The following HDAC9 variants were observed in gnomAD, a reference collection of about 807,000 sequenced individuals.
HDAC9 encodes MEF-2 interacting transcription repressor (MITR) protein.
In HDAC9, 41 loss-of-function variants were observed where a neutral mutation model predicts 139.4. The ratio of observed to expected loss-of-function variants is 0.29; its 90% CI spans 0.23 to 0.38. The LOEUF (loss-of-function observed/expected upper bound fraction) is 0.38. HDAC9 is among the 10% of genes least tolerant of loss of function. HDAC9 has a pLI of 1.00. For synonymous variants in HDAC9, 517 were observed against 476.2 expected (o/e 1.09, Z -1.12); for missense variants, 1,147 against 1,297.0 (o/e 0.88, Z 1.78).
chr7:18,986,022 C>T (rs1585487171), intron 25 of HDAC9, among the ~76,000 whole-genome samples: 1 of 28,706 alleles, frequency 3.5e-5, no homozygotes, highest in East Asian at 6.3e-4. Context: ...TTGTAGGTTG[C>T]CTGTTCACTC....
intron 1 of HDAC9, among the ~76,000 whole-genome samples, chr7:18,462,597 C>T (rs753074357): frequency 4.6e-5 from 7 of 151,916 alleles, no homozygotes; most frequent in Non-Finnish European, 7.4e-5. Context: ...TTTCATTTTG[C>T]CTGTTTTTAT....
intron 1 of HDAC9, among the ~76,000 whole-genome samples, chr7:18,324,450 G>T (rs938238507): frequency 6.6e-6 from 1 of 152,098 alleles, no homozygotes; most frequent in Non-Finnish European, 1.5e-5. Flanking sequence ...ACTGTCTTTG[G>T]CATATTGTAG....
At chr7:18,253,294 G>A (rs1044880123) in intron 2 of HDAC9, among the ~76,000 whole-genome samples, 1 of 152,134 alleles carries the variant, frequency 6.6e-6, no homozygotes, top group African/African-American at 2.4e-5. Flanking sequence ...GGGTTGAATG[G>A]TATTTCTGTT....
chr7:18,722,249 A>AT (rs1178021165), intron 12 of HDAC9, among the ~76,000 whole-genome samples: 1 of 152,230 alleles, frequency 6.6e-6, no homozygotes, highest in Non-Finnish European at 1.5e-5. Context: ...CTTTGACTGC[A>AT]TAAAAAATAG....
intron 25 of HDAC9, among the ~76,000 whole-genome samples, chr7:18,992,499 T>C (rs184077282): frequency 6.6e-6 from 1 of 152,134 alleles, no homozygotes; most frequent in Admixed American, 6.5e-5. Flanking sequence ...GTAACAGGCA[T>C]TGTATTGCTT....
rs189030400 is a variant in HDAC9, at chr7:18,987,904, G to A, written c.3171-8119G>A. ...TGGTAGTTTGTATTTCTGTGGGATC[G>A]GTGGTGATATCCTCTTTATCATTTT... On this transcript the variant is annotated intron_variant, in intron 25 of 25. Coordinates refer to ENST00000686413, the MANE Select transcript of HDAC9 (RefSeq NM_178425.4). Among the ~76,000 whole-genome samples the A allele has an allele frequency of 5.9e-3, 901 of 152,168 alleles. 10 individuals carry two copies. The highest frequency in any genetic ancestry group is 0.02 in the African/African-American group (844 of 41,506).
chr7:18,659,539 G>A (rs924144367), intron 11 of HDAC9, among the ~76,000 whole-genome samples: 6 of 152,084 alleles, frequency 3.9e-5, no homozygotes, highest in Non-Finnish European at 8.8e-5. Context: ...GTATATGTAA[G>A]TGTGTGTGTG....
At chr7:18,446,982 T>C (rs1025425418) in intron 1 of HDAC9, among the ~76,000 whole-genome samples, 1 of 152,336 alleles carries the variant, frequency 6.6e-6, no homozygotes, top group South Asian at 2.1e-4. Flanking sequence ...AATAAATGCT[T>C]GTGACCATGT....
At chr7:18,441,242 A>G (rs1208065996) in intron 1 of HDAC9, among the ~76,000 whole-genome samples, 1 of 152,194 alleles carries the variant, frequency 6.6e-6, no homozygotes, top group Non-Finnish European at 1.5e-5. Flanking sequence ...CTGTGTAGAC[A>G]TCTGACCTTT....
chr7:18,576,357 T>C (rs1825928948), intron 2 of HDAC9, among the ~76,000 whole-genome samples: 1 of 152,090 alleles, frequency 6.6e-6, no homozygotes, highest in African/African-American at 2.4e-5. Context: ...CCTTGATGGC[T>C]TCAAAAACTA....
intron 1 of HDAC9, among the ~76,000 whole-genome samples, chr7:18,299,598 A>G (rs1460760100): frequency 6.6e-6 from 1 of 152,206 alleles, no homozygotes; most frequent in Non-Finnish European, 1.5e-5. Context: ...CAGTCAGGAA[A>G]AAAAGGTTTA....
chr7:18,217,775 A>G (rs772187401), intron 2 of HDAC9, among the ~76,000 whole-genome samples: 2 of 152,248 alleles, frequency 1.3e-5, no homozygotes, highest in South Asian at 4.1e-4. Flanking sequence ...GAAAATATAG[A>G]GAAACATGCT....
chr7:18,756,726 A>G (rs1788909470), intron 14 of HDAC9, among the ~76,000 whole-genome samples: 1 of 152,216 alleles, frequency 6.6e-6, no homozygotes, highest in Non-Finnish European at 1.5e-5. Context: ...GGCTGACTAT[A>G]GGCACATTAA....
At chr7:18,599,479 A>T (rs956023140) in intron 6 of HDAC9, among the ~76,000 whole-genome samples, 1 of 151,988 alleles carries the variant, frequency 6.6e-6, no homozygotes, top group Non-Finnish European at 1.5e-5. Flanking sequence ...CCCCCACCCA[A>T]CTTTTGGTAA....
intron 1 of HDAC9, among the ~76,000 whole-genome samples, chr7:18,332,781 G>A (rs1002769189): frequency 3.3e-5 from 5 of 151,464 alleles, no homozygotes; most frequent in Admixed American, 2.6e-4. Flanking sequence ...CTTTTTTCAT[G>A]TTCAGTAGAC....
rs1200767124 is a variant in HDAC9 at position 18,547,857 on chromosome 7, TACCC to T, written c.23-37423_23-37420del. ...CTTCCTTCCTTCCTTCCTTCCTTCC[TACCC>T]TCCCTCCCTCCCTCCCTCCCTCTCT... On this transcript the variant is annotated intron_variant, in intron 2 of 25. Coordinates refer to ENST00000686413, the MANE Select transcript of HDAC9 (RefSeq NM_178425.4). Among the ~76,000 whole-genome samples the T allele has an allele frequency of 2.7e-3, 314 of 118,354 alleles. 1 individual carries two copies. Among genetic ancestry groups the T allele is most frequent in the Non-Finnish European group, 3.8e-3 (221 of 58,540 alleles). 77.6% of individuals were successfully genotyped at this position (118,354 alleles called of 152,430 possible).
chr7:18,238,358 A>G (rs1427467575), intron 2 of HDAC9, among the ~76,000 whole-genome samples: 1 of 152,230 alleles, frequency 6.6e-6, no homozygotes, highest in Non-Finnish European at 1.5e-5. Flanking sequence ...ATGTAGTAAC[A>G]TCAGTCATAA....
In HDAC9 at chr7:18,505,006, G is replaced by A. The variant is rs146598442; in HGVS notation, c.22+8682G>A. ...TCCTGGGAGGTTTAAGGCACAAATA[G>A]GCAAGCATGTTGAAAGTTTTGCTGG... On this transcript the variant is annotated intron_variant, in intron 2 of 25. Transcript: ENST00000686413. Among the ~76,000 whole-genome samples, 462 of 152,276 alleles carry A rather than the reference G, an allele frequency of 3.0e-3. 4 individuals are homozygous for A. Among genetic ancestry groups the A allele is most frequent in the African/African-American group, 0.011 (445 of 41,556 alleles).
chr7:18,112,099 TACA>T (rs1269179273), intron 1 of HDAC9, among the ~76,000 whole-genome samples: 2 of 152,354 alleles, frequency 1.3e-5, no homozygotes, highest in African/African-American at 4.8e-5. Flanking sequence ...CTAATTATTT[TACA>T]ACATTTTTCT....
Sources: allele counts gnomAD v4.1 joint callset (sites outside exome capture counted in the v4.1 genomes callset), GRCh38; gene constraint gnomAD v4.1.1; transcripts MANE v1.5; gene names NCBI Gene and HGNC (gene_info 2026-07-23, HGNC 2026-07-21).